NSD2: variants seen among roughly 807,000 people sequenced by gnomAD.
NSD2 encodes the protein nuclear receptor binding SET domain protein 2.
In NSD2, 12 loss-of-function variants were observed where a neutral mutation model predicts 139.0. The ratio of observed to expected loss-of-function variants is 0.09; its 90% CI spans 0.06 to 0.14. The LOEUF (loss-of-function observed/expected upper bound fraction) is 0.14. Ranked by LOEUF, NSD2 falls within the 10% of genes least tolerant of loss-of-function variation. The probability of loss-of-function intolerance (pLI) is 1.00; values close to 1 mark genes in which losing one functional copy is unlikely to be tolerated. For missense variants in NSD2, 1,155 were observed against 1,745.0 expected, an observed-to-expected ratio of 0.66 and a Z score of 6.02; for synonymous variants, 669 against 648.7, an observed-to-expected ratio of 1.03 and a Z score of -0.48.
At chr4:1,889,005 C>A (rs546204430) in intron 1 of NSD2, among the ~76,000 whole-genome samples, 1 of 149,948 alleles carries the variant, frequency 6.7e-6, no homozygotes, top group Non-Finnish European at 1.5e-5. Context: ...TCAAGTGATT[C>A]TTCTGCCTCA....
intron 1 of NSD2, among the ~76,000 whole-genome samples, chr4:1,890,047 A>T (rs978379124): frequency 2.6e-5 from 4 of 152,080 alleles, no homozygotes; most frequent in African/African-American, 9.7e-5. Flanking sequence ...GGATTTGCTT[A>T]TTTTAGACAT....
chr4:1,953,078 G>C lies in NSD2; in HGVS notation c.2138-246G>C, dbSNP rs1724446740. On this transcript the variant is annotated intron_variant, in intron 11 of 21. Coordinates refer to ENST00000508803, the MANE Select transcript of NSD2 (RefSeq NM_001042424.3). The stretch of plus-strand genomic sequence containing the variant: ...TAGACTGGGCCTCCCCAGCCAGGCT[G>C]CCTAGTAAGATTCTCCTGTATTTCA... 9.5e-6 allele frequency: 14 copies of C among 1,476,850 alleles called. No individual in the cohort carries two copies. In the South Asian group the frequency reaches 1.5e-4, roughly 16 times the overall value. The allele number at this position is 1,476,850 out of a possible 1,614,324, so 91.5% of individuals were successfully genotyped here. A position where few individuals can be genotyped will look rare whatever the true frequency, so the allele number is the denominator to read the frequency against.
chr4:1,954,128 G>A (rs2108953503), intron 12 of NSD2, among the ~76,000 whole-genome samples: 1 of 152,170 alleles, frequency 6.6e-6, no homozygotes, highest in East Asian at 1.9e-4. Flanking sequence ...GGGATTACAG[G>A]CACGTGCCAC....
Position 1,897,485 on chromosome 4 carries a change from T to C in NSD2, c.-29-3141T>C, listed in dbSNP as rs139266455. Among the ~76,000 whole-genome samples, 219 of 150,876 alleles carry C rather than the reference T, an allele frequency of 1.5e-3. 1 individual carries two copies. The highest frequency in any genetic ancestry group is 5.1e-3 in the African/African-American group (207 of 40,478). On this transcript the variant is annotated intron_variant, in intron 1 of 21. Transcript: ENST00000508803. ...CAGCTTCGGTGGTAGTGAGACCCTGTCTCAAGGGAAAAAAAAAATTGTTTG... is the reference window on the plus strand; with the variant it reads ...CAGCTTCGGTGGTAGTGAGACCCTGCCTCAAGGGAAAAAAAAAATTGTTTG...
intron 5 of NSD2, among the ~76,000 whole-genome samples, chr4:1,923,669 A>C (rs1204401508): frequency 6.6e-6 from 1 of 152,180 alleles, no homozygotes; most frequent in Non-Finnish European, 1.5e-5. Context: ...AGATCTAGTG[A>C]AATTGAAGAT....
chr4:1,877,179 A>G (rs1560541226), intron 1 of NSD2, among the ~76,000 whole-genome samples: 1 of 152,048 alleles, frequency 6.6e-6, no homozygotes. Flanking sequence ...GGATCTGTGC[A>G]TGTTAGCAAT....
Position 1,955,682 on chromosome 4 carries a change from T to A in NSD2, c.2519-11T>A. The stretch of plus-strand genomic sequence containing the variant: ...CAGGCTAAGCCTGGCCGCCTCGCCC[T>A]CCTCTTGCAGGGGGGAGCCTTCTGT... On this transcript the variant is annotated splice_polypyrimidine_tract_variant and intron_variant, in intron 13 of 21. Transcript: ENST00000508803. This position sits in a 1 kb window ranked among gnomAD's most constrained non-coding sequence, Gnocchi z 4.7. The A allele has an allele frequency of 6.2e-7, 1 of 1,609,198 alleles. No individual in the cohort carries two copies. Among genetic ancestry groups the A allele is most frequent in the Non-Finnish European group, 8.5e-7 (1 of 1,176,962 alleles).
intron 4 of NSD2, among the ~76,000 whole-genome samples, chr4:1,917,502 C>T (rs1719551404): frequency 6.6e-6 from 1 of 152,184 alleles, no homozygotes; most frequent in South Asian, 2.1e-4. Context: ...ATGGCATGAT[C>T]TTGGCTCATT....
rs1434701500 is a variant in NSD2 at position 1,940,569 on chromosome 4, G to A, written c.1881+791G>A. 9 of 1,064,180 alleles carry A rather than the reference G, an allele frequency of 8.5e-6. No individual in the cohort carries two copies. In the African/African-American group the frequency reaches 1.5e-4, roughly 17 times the overall value. The allele number at this position is 1,064,180 out of a possible 1,614,324, so 65.9% of individuals were successfully genotyped here. A position where few individuals can be genotyped will look rare whatever the true frequency, so the allele number is the denominator to read the frequency against. ...TAGGGATTACCTTCATAGAGCTTTG[G>A]AGTTTTAATTTCTTGTTATTTGGTT... is the stretch of plus-strand genomic sequence containing the variant. On this transcript the variant is annotated intron_variant, in intron 9 of 21. Transcript: ENST00000508803.
chr4:1,966,254 A>AGTT (rs370248106), intron 18 of NSD2, among the ~76,000 whole-genome samples: 6 of 152,242 alleles, frequency 3.9e-5, no homozygotes, highest in African/African-American at 1.4e-4. Context: ...AGTCACTACA[A>AGTT]GTTGTATGAA....
At chr4:1,943,004 T>G in intron 9 of NSD2, 6 of 1,051,262 alleles carry the variant, frequency 5.7e-6, no homozygotes, top group Non-Finnish European at 6.9e-6. Context: ...AGTATTATTG[T>G]GAACCATTTA....
chr4:1,936,113 C>T (rs916438206), intron 7 of NSD2, among the ~76,000 whole-genome samples: 1 of 152,182 alleles, frequency 6.6e-6, no homozygotes, highest in Non-Finnish European at 1.5e-5. Context: ...AAAGCCAGCC[C>T]CGGGTCCTTG....
intron 3 of NSD2, among the ~76,000 whole-genome samples, chr4:1,908,013 G>C (rs536022141): frequency 2.0e-5 from 3 of 152,284 alleles, no homozygotes; most frequent in East Asian, 3.9e-4. Context: ...GCCGCATTTC[G>C]GGAAACATCA....
Position 1,982,016 on chromosome 4 carries a change from T to G in NSD2, c.*3107T>G, listed in dbSNP as rs1006955138. ...TCAGATTCCTTTTAGGAATACTGGG[T>G]GCTGTCACCAGGTTTGATAGTTAGA... On this transcript the variant is annotated 3_prime_UTR_variant, in exon 22 of 22. Coordinates refer to ENST00000508803, the MANE Select transcript of NSD2 (RefSeq NM_001042424.3). 1.5e-5 allele frequency: 6 copies of G among 398,322 alleles called. No individual in the cohort carries two copies. The highest frequency in any genetic ancestry group is 2.7e-5 in the Non-Finnish European group (6 of 225,984). 24.7% of individuals were successfully genotyped at this position (398,322 alleles called of 1,614,324 possible). A position where few individuals can be genotyped will look rare whatever the true frequency, so the allele number is the denominator to read the frequency against.
chr4:1,934,871 AAAAAAAAATATATATATATATATAT>A (rs1722148326), intron 6 of NSD2, among the ~76,000 whole-genome samples: 5 of 102,342 alleles, frequency 4.9e-5, no homozygotes, highest in Admixed American at 2.1e-4. Flanking sequence ...AAAAAAAAAA[AAAAAAAAATATATATATATATATAT>A]ATATATATAT....
At chr4:1,978,187 G>A (rs965440010) in intron 21 of NSD2, among the ~76,000 whole-genome samples, 3 of 152,178 alleles carry the variant, frequency 2.0e-5, no homozygotes, top group Non-Finnish European at 4.4e-5. Context: ...GATGACACAC[G>A]ATAGAGAAAA....
intron 21 of NSD2, among the ~76,000 whole-genome samples, chr4:1,977,572 T>TC (rs535131371): frequency 1.6e-4 from 24 of 152,174 alleles, no homozygotes; most frequent in Admixed American, 1.1e-3. Context: ...GGTCAGGAGT[T>TC]CGAGACCAGT....
rs1302175161 is a variant in NSD2 at position 1,953,327 on chromosome 4, T to A, written c.2141T>A (p.Ile714Asn). The change falls in exon 12 of 22, where the codon ATT becomes AAT. Residue 714 changes from isoleucine (I) to asparagine (N), a missense_variant. Transcript: ENST00000508803. ...RFTCSECASG[I>N]HSCFVCKESK... The stretch of plus-strand genomic sequence containing the variant: ...CCCTTCTTTAACTTTTTGTTAGGGA[T>A]TCACTCATGTTTCGTGTGTAAAGAG... The A allele has an allele frequency of 3.1e-6, 5 of 1,614,256 alleles. No homozygotes were observed. The highest frequency in any genetic ancestry group is 4.2e-6 in the Non-Finnish European group (5 of 1,180,040).
chr4:1,932,975 G>A (rs975430427), intron 6 of NSD2, among the ~76,000 whole-genome samples: 6 of 152,244 alleles, frequency 3.9e-5, no homozygotes, highest in Non-Finnish European at 7.3e-5. Context: ...CGAGAGTTTG[G>A]CTGGCTGTGC....
Sources: gnomAD v4.1 joint callset for allele counts (sites outside exome capture counted in the v4.1 genomes callset) on GRCh38, gnomAD v4.1.1 for gene constraint, Gnocchi (gnomAD v3.1) non-coding constraint, MANE v1.5 for transcripts, NCBI Gene and HGNC (gene_info 2026-07-23, HGNC 2026-07-21) for gene names.